The following XRCC1 variants were observed in gnomAD, a reference collection of about 807,000 sequenced individuals.
The protein encoded by XRCC1 is DNA repair protein XRCC1.
A neutral mutation model predicts 83.3 loss-of-function variants in XRCC1; 52 were observed. The observed-to-expected ratio is 0.62, with a 90% CI of 0.50 to 0.79. The LOEUF is 0.79. XRCC1 is among the 30% of genes least tolerant of loss of function. XRCC1 has a pLI of 0.00. For synonymous variants in XRCC1, 281 were observed against 312.6 expected, an observed-to-expected ratio of 0.90 and a Z score of 1.07; for missense variants, 793 against 823.5, an observed-to-expected ratio of 0.96 and a Z score of 0.45.
chr19:43,568,185 T>C (rs907732954), intron 2 of XRCC1, among the ~76,000 whole-genome samples: 4 of 151,680 alleles, frequency 2.6e-5, no homozygotes, highest in African/African-American at 7.3e-5. Flanking sequence ...GAAATGCAAT[T>C]GTATGCATCA....
chr19:43,544,041 C>G (rs538034572), intron 15 of XRCC1, 103 bp downstream of exon 15: 2 of 1,157,858 alleles, frequency 1.7e-6, no homozygotes, highest in Admixed American at 2.4e-5. Context: ...CTTCTCCATC[C>G]TCCTGATGGT....
At chr19:43,544,104 A>T (rs773566885) in intron 15 of XRCC1, 40 bp downstream of exon 15, 2 of 1,530,076 alleles carry the variant, frequency 1.3e-6, no homozygotes, top group Admixed American at 3.8e-5. Flanking sequence ...GTTCCCTTGG[A>T]TCCATCACCC....
chr19:43,556,795 A>G (rs1972640690), intron 3 of XRCC1, among the ~76,000 whole-genome samples: 2 of 151,998 alleles, frequency 1.3e-5, no homozygotes, highest in South Asian at 4.1e-4. Flanking sequence ...ACAAGAGGCC[A>G]GGAGTTCAAG....
chr19:43,557,302 C>T (rs3213338), intron 3 of XRCC1, among the ~76,000 whole-genome samples: 3,366 of 104,186 alleles, frequency 0.032, 166 homozygotes, highest in African/African-American at 0.12. Flanking sequence ...AGCGAGACTC[C>T]GTCTCAAAAA....
intron 2 of XRCC1, among the ~76,000 whole-genome samples, chr19:43,566,436 G>A (rs1600058303): frequency 1.3e-5 from 2 of 150,816 alleles, no homozygotes; most frequent in East Asian, 3.9e-4. Flanking sequence ...GGGAGGCTGA[G>A]GCAGAGAATT....
At chr19:43,547,734 G>A (rs927421775) in intron 10 of XRCC1, among the ~76,000 whole-genome samples, 7 of 151,894 alleles carry the variant, frequency 4.6e-5, no homozygotes, top group Non-Finnish European at 1.0e-4. Context: ...TCCTGACCTC[G>A]AGTGATCCAC....
At chr19:43,569,925 G>C (rs1972791795) in intron 2 of XRCC1, among the ~76,000 whole-genome samples, 1 of 152,210 alleles carries the variant, frequency 6.6e-6, no homozygotes, top group Admixed American at 6.5e-5. Context: ...CAGGCAAAAT[G>C]AATCTATGCT....
At chr19:43,552,460 A>G (rs1480961449) in intron 8 of XRCC1, among the ~76,000 whole-genome samples, 185 bp from the exon 9 acceptor site, 16 of 72,854 alleles carry the variant, frequency 2.2e-4, no homozygotes, top group East Asian at 4.1e-4. Context: ...CAGACCCAGG[A>G]GTCCAGGCCC....
intron 9 of XRCC1, 107 bp from the exon 10 acceptor site, chr19:43,551,794 G>T: frequency 2.8e-6 from 3 of 1,052,878 alleles, no homozygotes; most frequent in Non-Finnish European, 2.9e-6. Flanking sequence ...CAGACAGACA[G>T]ATCATGAGAT....
intron 2 of XRCC1, among the ~76,000 whole-genome samples, chr19:43,567,851 T>C (rs1978008): frequency 0.8 from 120,970 of 150,498 alleles, 48,732 homozygotes; most frequent in East Asian, 0.88. Flanking sequence ...AAAAACTGTT[T>C]CACATCCATG....
In XRCC1 at chr19:43,575,495, G is replaced by A. The variant is rs1050528003; in HGVS notation, c.-37C>T. ...GGGCTTCGCCTGGCCAGAAGGATGAGGTAGAGTATGGGGTCCGAGGGGCAG... is the reference window on the plus strand; with the variant it reads ...GGGCTTCGCCTGGCCAGAAGGATGAAGTAGAGTATGGGGTCCGAGGGGCAG... On this transcript the variant is annotated 5_prime_UTR_variant, in exon 1 of 17. Transcript: ENST00000262887. 1.2e-5 allele frequency: 20 copies of A among 1,608,122 alleles called. No homozygotes were observed. Among genetic ancestry groups the A allele is most frequent in the Admixed American group, 1.7e-5 (1 of 59,664 alleles).
intron 4 of XRCC1, 114 bp downstream of exon 4, chr19:43,554,532 C>A: frequency 7.4e-7 from 1 of 1,349,916 alleles, no homozygotes. Flanking sequence ...TCCCCATAAT[C>A]CCATGGGACA....
At position 43,551,662 on chromosome 19, in the gene XRCC1, A is replaced by T. The variant is rs1234967307; in HGVS notation, c.1108T>A (p.Tyr370Asn). 1 of 1,614,134 alleles carries T rather than the reference A, an allele frequency of 6.2e-7. No individual in the cohort carries two copies. Among genetic ancestry groups the T allele is most frequent in the Non-Finnish European group, 8.5e-7 (1 of 1,180,022 alleles). Residue 370 changes from tyrosine (Y) to asparagine (N), a missense_variant, in exon 10 of 17, where the codon TAC (tyrosine) becomes AAC (asparagine). Coordinates refer to ENST00000262887, the MANE Select transcript of XRCC1 (RefSeq NM_006297.3). ...CCTCCCAGGCCTAGGACCTGGCTGT[A>T]CTTGGGGGTGTTGGCAAAGGCACAG... ...LICAFANTPK[Y>N]SQVLGLGGRI...
At chr19:43,571,765 G>C (rs897242223) in intron 2 of XRCC1, among the ~76,000 whole-genome samples, 1 of 152,184 alleles carries the variant, frequency 6.6e-6, no homozygotes, top group African/African-American at 2.4e-5. Context: ...GGGATTATAG[G>C]CGTGAGCTTA....
intron 10 of XRCC1, among the ~76,000 whole-genome samples, chr19:43,548,812 C>G (rs1335251929): frequency 1.4e-5 from 2 of 141,756 alleles, no homozygotes; most frequent in South Asian, 4.6e-4. Context: ...TTGACACTTA[C>G]ATGGGACTTC....
Position 43,574,879 on chromosome 19 carries a change from T to C in XRCC1, c.144+31A>G, listed in dbSNP as rs767930861. On this transcript the variant is annotated intron_variant, in intron 2 of 16. Transcript: ENST00000262887. ...TCTGGAACCCCGGACTCCAGACTCCTAGTGAGGAGGAGGTGGGGTGGCAGG... is the reference window on the plus strand; with the variant it reads ...TCTGGAACCCCGGACTCCAGACTCCCAGTGAGGAGGAGGTGGGGTGGCAGG... 35 of 1,581,792 alleles carry C rather than the reference T, an allele frequency of 2.2e-5. 1 individual carries two copies. The South Asian group carries it at 3.8e-4, about 17-fold the overall frequency.
At chr19:43,548,458 A>G (rs1266961919) in intron 10 of XRCC1, among the ~76,000 whole-genome samples, 3 of 152,214 alleles carry the variant, frequency 2.0e-5, no homozygotes, top group Non-Finnish European at 2.9e-5. Flanking sequence ...GGATGCTGTT[A>G]ATCTATGACC....
chr19:43,558,011 T>C (rs931505019), intron 3 of XRCC1, among the ~76,000 whole-genome samples: 2 of 152,166 alleles, frequency 1.3e-5, no homozygotes, highest in Non-Finnish European at 2.9e-5. Flanking sequence ...ACCACAGAAG[T>C]GATGTGTAAT....
At chr19:43,567,915 C>T (rs891520186) in intron 2 of XRCC1, among the ~76,000 whole-genome samples, 37 of 150,708 alleles carry the variant, frequency 2.5e-4, no homozygotes, top group Middle Eastern at 3.4e-3. Flanking sequence ...TGCTCTGTCA[C>T]CCAGGCTAGA....
Sources: gnomAD v4.1 joint callset for allele counts (sites outside exome capture counted in the v4.1 genomes callset) on GRCh38, gnomAD v4.1.1 for gene constraint, MANE v1.5 for transcripts, NCBI Gene and HGNC (gene_info 2026-07-23, HGNC 2026-07-21) for gene names.